The following BANK1 variants were observed in gnomAD, a reference collection of about 807,000 sequenced individuals.
BANK1 encodes the protein B-cell scaffold protein with ankyrin repeats.
A neutral mutation model predicts 94.5 loss-of-function variants in BANK1; 95 were observed. The observed-to-expected ratio is 1.00, with a 90% CI of 0.85 to 1.19. The LOEUF (loss-of-function observed/expected upper bound fraction) is 1.19, where lower values mean the gene tolerates loss of function less well. Ranked by LOEUF, BANK1 falls within the 50% of genes most tolerant of loss-of-function variation. The probability of loss-of-function intolerance (pLI) is 0.00; values close to 1 mark genes in which losing one functional copy is unlikely to be tolerated. For synonymous variants in BANK1, 334 were observed against 308.4 expected (o/e 1.08, Z -0.87); for missense variants, 987 against 932.2 (o/e 1.06, Z -0.77).
intron 8 of BANK1, 64 bp from the exon 9 acceptor site, chr4:102,025,137 T>C (rs2148948186): frequency 1.3e-6 from 2 of 1,525,906 alleles, no homozygotes; most frequent in South Asian, 2.4e-5. Context: ...TACAATTTTA[T>C]AAAATATGAA....
intron 7 of BANK1, among the ~76,000 whole-genome samples, chr4:101,936,539 C>T (rs1206167560): frequency 6.7e-6 from 1 of 149,836 alleles, no homozygotes; most frequent in Non-Finnish European, 1.5e-5. Flanking sequence ...TAAGATGATA[C>T]ACATACACGT....
At chr4:102,072,952 A>C (rs1728806246) in intron 15 of BANK1, among the ~76,000 whole-genome samples, 1 of 152,102 alleles carries the variant, frequency 6.6e-6, no homozygotes, top group African/African-American at 2.4e-5. Flanking sequence ...CATAAAAATA[A>C]TGTTATTCCA....
Position 102,023,121 on chromosome 4 carries a change from G to A in BANK1, c.1285+1529G>A, listed in dbSNP as rs376417737. 9.2e-5 allele frequency among the ~76,000 whole-genome samples: 14 copies of A among 152,018 alleles called. No individual in the cohort carries two copies. In the East Asian group the frequency reaches 9.6e-4, roughly 10 times the overall value. ...GGGCTTTTTATTCACTGTTTTGATT[G>A]TATCCCCAGTACCTGTAACAGAACA... On this transcript the variant is annotated intron_variant, in intron 8 of 16. Transcript: ENST00000322953.
At chr4:101,837,246 C>A (rs2080820) in intron 2 of BANK1, among the ~76,000 whole-genome samples, 40,938 of 151,838 alleles carry the variant, frequency 0.27, 5,683 homozygotes, top group Non-Finnish European at 0.3. Context: ...GGACTAAGAC[C>A]GGTACAACTG....
intron 10 of BANK1, among the ~76,000 whole-genome samples, chr4:102,039,770 A>G (rs962112753): frequency 6.6e-6 from 1 of 152,106 alleles, no homozygotes; most frequent in Non-Finnish European, 1.5e-5. Flanking sequence ...ACCTAATGAA[A>G]GGTGTTTTGG....
At chr4:101,797,148 A>G (rs1384972213) in intron 1 of BANK1, among the ~76,000 whole-genome samples, 4 of 152,194 alleles carry the variant, frequency 2.6e-5, no homozygotes, top group Non-Finnish European at 5.9e-5. Context: ...CACCTTAGAA[A>G]ACAAGAATTC....
At chr4:101,845,288 T>G (rs984075631) in intron 2 of BANK1, among the ~76,000 whole-genome samples, 1 of 152,138 alleles carries the variant, frequency 6.6e-6, no homozygotes, top group Non-Finnish European at 1.5e-5. Flanking sequence ...ACCAATTTAT[T>G]TATGTACATA....
In BANK1 at chr4:101,827,031, G is replaced by A. The variant is rs762667317; in HGVS notation, c.71-2777G>A. Among the ~76,000 whole-genome samples the A allele has an allele frequency of 7.3e-4, 111 of 151,828 alleles. 2 individuals are homozygous for A. The highest frequency in any genetic ancestry group is 2.2e-4 in the Non-Finnish European group (15 of 67,792). On this transcript the variant is annotated intron_variant, in intron 1 of 16. Transcript: ENST00000322953. Reference sequence around the variant, plus strand: ...AGGAAGAAGATGACAAGAGTTTGGCGTTTCACTCTTTGTACTCATGATAAT... The same window carrying A: ...AGGAAGAAGATGACAAGAGTTTGGCATTTCACTCTTTGTACTCATGATAAT...
At chr4:102,050,454 C>T (rs764142434) in intron 11 of BANK1, among the ~76,000 whole-genome samples, 4 of 152,040 alleles carry the variant, frequency 2.6e-5, no homozygotes, top group Non-Finnish European at 4.4e-5. Flanking sequence ...GACTAAAAGT[C>T]GAATAGATGA....
chr4:102,034,976 C>T (rs979483271), intron 10 of BANK1, among the ~76,000 whole-genome samples: 10 of 152,158 alleles, frequency 6.6e-5, no homozygotes, highest in Non-Finnish European at 1.5e-4. Flanking sequence ...AATCTGTTTT[C>T]CCCATTGTAT....
intron 7 of BANK1, among the ~76,000 whole-genome samples, chr4:101,965,210 G>A (rs775555779): frequency 6.6e-6 from 1 of 151,602 alleles, no homozygotes; most frequent in Non-Finnish European, 1.5e-5. Flanking sequence ...TCTACCTTTT[G>A]ATCTGCACTT....
intron 3 of BANK1, among the ~76,000 whole-genome samples, chr4:101,860,793 A>G (rs1208739273): frequency 6.6e-6 from 1 of 152,186 alleles, no homozygotes; most frequent in African/African-American, 2.4e-5. Context: ...GGTGGATAAA[A>G]CACTGGGAGA....
chr4:101,998,529 C>G (rs988515712), intron 7 of BANK1, among the ~76,000 whole-genome samples: 6 of 152,080 alleles, frequency 3.9e-5, no homozygotes, highest in African/African-American at 1.4e-4. Flanking sequence ...AATTTTCCCA[C>G]TATTTTTGTG....
chr4:102,028,607 A>G (rs1259751356), intron 9 of BANK1, among the ~76,000 whole-genome samples: 1 of 152,214 alleles, frequency 6.6e-6, no homozygotes, highest in East Asian at 1.9e-4. Context: ...GGCAAATTCA[A>G]AAAAGAATGA....
chr4:101,950,668 T>C (rs1451028901), intron 7 of BANK1, among the ~76,000 whole-genome samples: 1 of 152,208 alleles, frequency 6.6e-6, no homozygotes. Context: ...AAGCTGTACA[T>C]AATGACTTCC....
intron 9 of BANK1, among the ~76,000 whole-genome samples, chr4:102,026,421 G>A (rs1424231834): frequency 3.3e-5 from 5 of 151,556 alleles, no homozygotes; most frequent in Non-Finnish European, 5.9e-5. Context: ...TTAGTTGTTG[G>A]GTCCTAGAAG....
intron 7 of BANK1, among the ~76,000 whole-genome samples, chr4:102,002,498 A>C (rs1216508280): frequency 9.9e-5 from 15 of 151,910 alleles, no homozygotes; most frequent in Non-Finnish European, 2.2e-4. Flanking sequence ...TATTATTACT[A>C]TTATTAAGCC....
intron 5 of BANK1, among the ~76,000 whole-genome samples, chr4:101,873,399 T>C (rs898754230): frequency 6.6e-6 from 1 of 152,160 alleles, no homozygotes; most frequent in Non-Finnish European, 1.5e-5. Flanking sequence ...CTATTGGGCA[T>C]GTAATAACAT....
At chr4:101,950,604 A>G (rs1321538575) in intron 7 of BANK1, among the ~76,000 whole-genome samples, 1 of 152,186 alleles carries the variant, frequency 6.6e-6, no homozygotes, top group East Asian at 1.9e-4. Context: ...TCATATTGGG[A>G]AAAATTCATA....
Sources: gnomAD v4.1 joint callset for allele counts (sites outside exome capture counted in the v4.1 genomes callset) on GRCh38, gnomAD v4.1.1 for gene constraint, MANE v1.5 for transcripts, NCBI Gene and HGNC (gene_info 2026-07-23, HGNC 2026-07-21) for gene names.